The following PDE4D variants were observed in gnomAD, a reference collection of about 807,000 sequenced individuals.
The protein encoded by PDE4D is 3',5'-cyclic-AMP phosphodiesterase 4D.
A neutral mutation model predicts 87.4 loss-of-function variants in PDE4D; 24 were observed. The observed-to-expected ratio is 0.27, with a 90% CI of 0.20 to 0.39. The LOEUF (loss-of-function observed/expected upper bound fraction) is 0.39. PDE4D is among the 10% of genes least tolerant of loss of function. PDE4D has a pLI of 1.00. For synonymous variants in PDE4D, 384 were observed against 383.2 expected, an observed-to-expected ratio of 1.00 and a Z score of -0.02; for missense variants, 714 against 1,041.0, an observed-to-expected ratio of 0.69 and a Z score of 4.32.
intron 3 of PDE4D, among the ~76,000 whole-genome samples, chr5:59,975,323 C>T (rs1435083): frequency 0.34 from 51,766 of 152,048 alleles, 10,925 homozygotes; most frequent in East Asian, 0.73. Context: ...TTCCCTGACA[C>T]CCTTCTATGT....
intron 2 of PDE4D, among the ~76,000 whole-genome samples, chr5:60,079,097 T>C (rs1773639390): frequency 6.6e-6 from 1 of 152,216 alleles, no homozygotes; most frequent in Non-Finnish European, 1.5e-5. Flanking sequence ...CATGAGATGG[T>C]ATCTCATAGT....
intron 1 of PDE4D, among the ~76,000 whole-genome samples, chr5:59,631,764 T>A (rs1005819682): frequency 5.9e-5 from 9 of 152,198 alleles, no homozygotes; most frequent in African/African-American, 2.2e-4. Flanking sequence ...GATCAGGAGA[T>A]TCTCTTGGGT....
chr5:59,668,827 A>AGAAGAAGAG (rs1746576895), intron 1 of PDE4D, among the ~76,000 whole-genome samples: 20 of 76,946 alleles, frequency 2.6e-4, no homozygotes, highest in East Asian at 2.1e-3. Flanking sequence ...AAGAAGAAGA[A>AGAAGAAGAG]GAAGAGGAAG....
chr5:59,894,725 A>G (rs184121592), upstream of PDE4D, among the ~76,000 whole-genome samples: 24 of 152,360 alleles, frequency 1.6e-4, no homozygotes, highest in African/African-American at 5.5e-4. Flanking sequence ...CAGCTCTATT[A>G]CTAAAGTGTT....
At chr5:59,112,987 G>A (rs995550365) in intron 5 of PDE4D, among the ~76,000 whole-genome samples, 2 of 151,854 alleles carry the variant, frequency 1.3e-5, no homozygotes, top group Non-Finnish European at 2.9e-5. Context: ...TTTTAGTAGC[G>A]ATGGGGTTTC....
intron 5 of PDE4D, among the ~76,000 whole-genome samples, chr5:59,137,276 T>C (rs1485892023): frequency 1.3e-5 from 2 of 152,136 alleles, no homozygotes; most frequent in Non-Finnish European, 1.5e-5. Flanking sequence ...TAGAAATGTT[T>C]TTGGAGTTTA....
intron 1 of PDE4D, chr5:59,217,959 A>G (rs755249990): frequency 2.3e-5 from 11 of 470,522 alleles, no homozygotes; most frequent in Admixed American, 6.8e-5. Context: ...TGAGTGCATT[A>G]AGATACAAAA....
intron 1 of PDE4D, among the ~76,000 whole-genome samples, chr5:59,533,017 C>CT (rs974978490): frequency 2.0e-5 from 3 of 152,168 alleles, no homozygotes; most frequent in African/African-American, 7.2e-5. Flanking sequence ...TTAGCAAGTA[C>CT]TGCAGTGGTG....
chr5:59,432,617 T>C (rs1796264755), intron 1 of PDE4D, among the ~76,000 whole-genome samples: 1 of 152,138 alleles, frequency 6.6e-6, no homozygotes, highest in Admixed American at 6.6e-5. Flanking sequence ...TTTATTTCTT[T>C]ATAGTATGAA....
chr5:60,004,951 G>A (rs1246211401), intron 2 of PDE4D, among the ~76,000 whole-genome samples: 2 of 152,020 alleles, frequency 1.3e-5, no homozygotes, highest in African/African-American at 4.8e-5. Flanking sequence ...CTAATGTTTG[G>A]GTATATATCC....
intron 1 of PDE4D, among the ~76,000 whole-genome samples, chr5:59,878,346 C>T (rs879321683): frequency 2.0e-5 from 3 of 152,146 alleles, no homozygotes; most frequent in Non-Finnish European, 4.4e-5. Context: ...AAATGTTTGC[C>T]TTACCCAATA....
intron 1 of PDE4D, among the ~76,000 whole-genome samples, chr5:60,301,809 T>C (rs1013381818): frequency 1.3e-5 from 2 of 152,178 alleles, no homozygotes; most frequent in Non-Finnish European, 2.9e-5. Context: ...GGCTGTAGAT[T>C]TGTCATATAT....
chr5:59,536,897 A>G (rs998229494), intron 1 of PDE4D, among the ~76,000 whole-genome samples: 10 of 152,190 alleles, frequency 6.6e-5, no homozygotes, highest in African/African-American at 2.2e-4. Flanking sequence ...TAAATATAAT[A>G]CTGTTCCACA....
chr5:59,116,918 T>C (rs1192391300), intron 5 of PDE4D, among the ~76,000 whole-genome samples: 3 of 152,258 alleles, frequency 2.0e-5, no homozygotes, highest in South Asian at 4.1e-4. Flanking sequence ...GATGACTTTC[T>C]GCAAGATGAG....
chr5:59,586,828 C>T, intron 1 of PDE4D: 1 of 985,458 alleles, frequency 1.0e-6, no homozygotes, highest in Non-Finnish European at 1.2e-6. Context: ...AAATGGAAAA[C>T]TTCAGGTTGC....
chr5:59,335,964 CTATTCA>C (rs1306300182), intron 1 of PDE4D, among the ~76,000 whole-genome samples: 2 of 152,178 alleles, frequency 1.3e-5, no homozygotes, highest in Non-Finnish European at 2.9e-5. Context: ...CAGATGATTC[CTATTCA>C]TAAACTGAGA....
chr5:59,373,531 A>G (rs1784266433), intron 1 of PDE4D, among the ~76,000 whole-genome samples: 1 of 152,240 alleles, frequency 6.6e-6, no homozygotes, highest in Non-Finnish European at 1.5e-5. Flanking sequence ...ATATGAGATT[A>G]TGTAAAGAGA....
At chr5:60,128,963 C>T (rs980616105) in intron 2 of PDE4D, among the ~76,000 whole-genome samples, 1 of 152,136 alleles carries the variant, frequency 6.6e-6, no homozygotes, top group Non-Finnish European at 1.5e-5. Flanking sequence ...TACAGTTAAG[C>T]CATGCCTTAA....
chr5:60,112,336 T>C (rs975128407), intron 2 of PDE4D, among the ~76,000 whole-genome samples: 10 of 152,142 alleles, frequency 6.6e-5, no homozygotes, highest in Admixed American at 2.0e-4. Flanking sequence ...ATTATTCCTT[T>C]TACTTTTGAC....
Sources: allele counts gnomAD v4.1 joint callset (sites outside exome capture counted in the v4.1 genomes callset), GRCh38; gene constraint gnomAD v4.1.1; transcripts MANE v1.5; gene names NCBI Gene and HGNC (gene_info 2026-07-23, HGNC 2026-07-21).